The following KSR2 variants were observed in gnomAD, a reference collection of about 807,000 sequenced individuals.
KSR2 encodes the protein kinase suppressor of ras 2.
In KSR2, 25 loss-of-function variants were observed where a neutral mutation model predicts 107.8. The ratio of observed to expected loss-of-function variants is 0.23; its 90% CI spans 0.17 to 0.32. KSR2 has a LOEUF of 0.32. Among genes scored for constraint, KSR2 ranks in the 10% least tolerant of loss-of-function variants. The pLI is 1.00. For synonymous variants in KSR2, 480 were observed against 507.0 expected, an observed-to-expected ratio of 0.95 and a Z score of 0.71; for missense variants, 887 against 1,268.9, an observed-to-expected ratio of 0.70 and a Z score of 4.57.
chr12:117,658,917 T>C (rs535827517), intron 5 of KSR2, among the ~76,000 whole-genome samples: 119 of 152,312 alleles, frequency 7.8e-4, no homozygotes, highest in African/African-American at 2.8e-3. Flanking sequence ...ACTCTGTAAC[T>C]GCCAGCCAGG....
intron 1 of KSR2, among the ~76,000 whole-genome samples, chr12:117,964,616 C>T (rs898327651): frequency 2.0e-5 from 3 of 152,216 alleles, no homozygotes; most frequent in Admixed American, 6.5e-5. Flanking sequence ...TCATTATCAT[C>T]ATCACAGCTG....
At chr12:117,747,220 G>A (rs1290895238) in intron 4 of KSR2, among the ~76,000 whole-genome samples, 1 of 152,074 alleles carries the variant, frequency 6.6e-6, no homozygotes, top group Non-Finnish European at 1.5e-5. Context: ...TAGAAAATGT[G>A]GCACATATGC....
chr12:117,673,661 C>T (rs759525017), intron 4 of KSR2, among the ~76,000 whole-genome samples: 1 of 151,958 alleles, frequency 6.6e-6, no homozygotes, highest in African/African-American at 2.4e-5. Flanking sequence ...TTCCATCCAC[C>T]CTCATTACCA....
intron 4 of KSR2, among the ~76,000 whole-genome samples, chr12:117,679,132 T>C (rs1399403290): frequency 6.6e-6 from 1 of 152,192 alleles, no homozygotes. Flanking sequence ...TAGGACCCAG[T>C]GCCGTCTTCT....
intron 3 of KSR2, among the ~76,000 whole-genome samples, chr12:117,809,407 C>T (rs1449910956): frequency 6.6e-6 from 1 of 152,160 alleles, no homozygotes; most frequent in Non-Finnish European, 1.5e-5. Context: ...ACCCCCACCC[C>T]CTTCCCCATT....
chr12:117,727,464 G>A (rs11068655), intron 4 of KSR2, among the ~76,000 whole-genome samples: 1 of 124,420 alleles, frequency 8.0e-6, no homozygotes, highest in Non-Finnish European at 1.9e-5. Context: ...AGGAGGAAGA[G>A]GAGGAGAAAG....
intron 1 of KSR2, among the ~76,000 whole-genome samples, chr12:117,928,986 T>C (rs1279692753): frequency 1.3e-5 from 2 of 152,144 alleles, no homozygotes; most frequent in African/African-American, 4.8e-5. Context: ...GGAAAACACT[T>C]CGCCTTAAGG....
At chr12:117,925,131 T>TA (rs1403876740) in intron 1 of KSR2, among the ~76,000 whole-genome samples, 2 of 151,658 alleles carry the variant, frequency 1.3e-5, no homozygotes, top group Non-Finnish European at 2.9e-5. Context: ...TTCTTTCTTT[T>TA]TTTTTTTTTT....
intron 7 of KSR2, among the ~76,000 whole-genome samples, chr12:117,564,162 C>G (rs1878306727): frequency 6.6e-6 from 1 of 152,222 alleles, no homozygotes; most frequent in Admixed American, 6.5e-5. Flanking sequence ...ACACAACAGA[C>G]TGCCCCCAGT....
intron 3 of KSR2, among the ~76,000 whole-genome samples, chr12:117,843,929 C>CG (rs1192410930): frequency 7.8e-6 from 1 of 127,550 alleles, no homozygotes; most frequent in Non-Finnish European, 1.6e-5. Flanking sequence ...TTAAGCTTCC[C>CG]TTTTTTTTTT....
intron 4 of KSR2, among the ~76,000 whole-genome samples, chr12:117,724,143 C>G (rs1251588371): frequency 6.6e-6 from 1 of 151,818 alleles, no homozygotes; most frequent in Admixed American, 6.6e-5. Context: ...CCCGTCTCTA[C>G]CAAACAATAC....
At chr12:117,794,269 G>A (rs1169273581) in intron 3 of KSR2, among the ~76,000 whole-genome samples, 2 of 63,526 alleles carry the variant, frequency 3.1e-5, no homozygotes, top group African/African-American at 8.3e-5. Context: ...ACACCAACAT[G>A]CACACACACC....
At chr12:117,834,049 G>A (rs1490514172) in intron 3 of KSR2, among the ~76,000 whole-genome samples, 1 of 151,950 alleles carries the variant, frequency 6.6e-6, no homozygotes, top group Admixed American at 6.6e-5. Context: ...GCTGAGGGAG[G>A]AGGACGGCTT....
At chr12:117,938,304 G>A (rs968230289) in intron 1 of KSR2, among the ~76,000 whole-genome samples, 4 of 152,002 alleles carry the variant, frequency 2.6e-5, no homozygotes, top group Admixed American at 6.6e-5. Context: ...AACGTAAAGT[G>A]GAATAAATGA....
chr12:117,496,027 C>T (rs535033896), intron 14 of KSR2, among the ~76,000 whole-genome samples: 64 of 146,932 alleles, frequency 4.4e-4, no homozygotes, highest in Non-Finnish European at 8.2e-4. Context: ...GCACTCCAGC[C>T]TGGCAACAGA....
chr12:117,638,716 A>G (rs1342247047), intron 5 of KSR2, among the ~76,000 whole-genome samples: 1 of 152,132 alleles, frequency 6.6e-6, no homozygotes, highest in African/African-American at 2.4e-5. Flanking sequence ...GGAAATGCAC[A>G]TCGGGGCTTC....
Position 117,667,572 on chromosome 12 carries a change from G to A in KSR2, c.1073C>T (p.Pro358Leu), listed in dbSNP as rs771733781. 21 of 1,613,132 alleles carry A rather than the reference G, an allele frequency of 1.3e-5. No homozygotes were observed. Among genetic ancestry groups the A allele is most frequent in the African/African-American group, 5.3e-5 (4 of 74,908 alleles). The change falls in exon 5 of 20, where the codon CCG becomes CTG. Residue 358 changes from proline (P) to leucine (L), a missense_variant. Pro to Leu is a moderately conservative substitution (Grantham distance 98, BLOSUM62 -3). Coordinates refer to ENST00000339824, the MANE Select transcript of KSR2 (RefSeq NM_173598.6). ...CENIPSQQRSPLLSERSLRSF... is the reference protein window; with the variant it reads ...CENIPSQQRSLLLSERSLRSF... Reference sequence around the variant, plus strand: ...GCGGAGGGAGCGCTCGGACAGCAGCGGGGAGCGCTGCTGAGAGGGGATGTT... The same window carrying A: ...GCGGAGGGAGCGCTCGGACAGCAGCAGGGAGCGCTGCTGAGAGGGGATGTT...
chr12:117,792,507 G>T (rs998962739), intron 3 of KSR2, among the ~76,000 whole-genome samples: 11 of 152,156 alleles, frequency 7.2e-5, no homozygotes, highest in Non-Finnish European at 1.5e-5. Flanking sequence ...GAGGATTCTC[G>T]CAAAATTACA....
Position 117,866,479 on chromosome 12 carries a change from T to C in KSR2, c.181-6048A>G, listed in dbSNP as rs114280239. Reference sequence around the variant, plus strand: ...TTCCATTTATGCCAAGTGATACTAGTTTTCCATTACAATAGTTACACATGG... The same window carrying C: ...TTCCATTTATGCCAAGTGATACTAGCTTTCCATTACAATAGTTACACATGG... On this transcript the variant is annotated intron_variant, in intron 1 of 19. Coordinates refer to ENST00000339824, the MANE Select transcript of KSR2 (RefSeq NM_173598.6). 2.3e-3 allele frequency among the ~76,000 whole-genome samples: 347 copies of C among 152,342 alleles called. 2 individuals carry two copies. Among genetic ancestry groups the C allele is most frequent in the African/African-American group, 7.9e-3 (329 of 41,580 alleles).
Sources: gnomAD v4.1 joint callset for allele counts (sites outside exome capture counted in the v4.1 genomes callset) on GRCh38, gnomAD v4.1.1 for gene constraint, MANE v1.5 for transcripts, NCBI Gene and HGNC (gene_info 2026-07-23, HGNC 2026-07-21) for gene names.